USH2A: variants seen among roughly 807,000 people sequenced by gnomAD.
USH2A encodes the protein Usher syndrome 2A (autosomal recessive, mild).
Under a neutral mutation model 538.9 loss-of-function variants are expected in USH2A, and 443 were observed. The ratio of observed to expected loss-of-function variants is 0.82; its 90% CI spans 0.76 to 0.89. USH2A has a LOEUF of 0.89. USH2A is among the 40% of genes least tolerant of loss of function. USH2A has a pLI of 0.00. For synonymous variants in USH2A, 2,413 were observed against 2,273.5 expected, an observed-to-expected ratio of 1.06 and a Z score of -1.75; for missense variants, 6,633 against 6,324.8, an observed-to-expected ratio of 1.05 and a Z score of -1.65.
intron 3 of USH2A, among the ~76,000 whole-genome samples, chr1:216,379,412 T>C (rs1363030100): frequency 6.6e-6 from 1 of 152,062 alleles, no homozygotes; most frequent in Non-Finnish European, 1.5e-5. Context: ...AACCAGCTGC[T>C]AATGTCTAAT....
chr1:216,334,707 T>C (rs1318772034), intron 4 of USH2A, among the ~76,000 whole-genome samples: 7 of 151,802 alleles, frequency 4.6e-5, no homozygotes, highest in African/African-American at 1.7e-4. Flanking sequence ...AAATAGACTT[T>C]AGACAAAATT....
intron 70 of USH2A, among the ~76,000 whole-genome samples, chr1:215,631,062 A>T (rs1158588836): frequency 6.6e-6 from 1 of 152,180 alleles, no homozygotes; most frequent in Non-Finnish European, 1.5e-5. Context: ...AGACACTCTC[A>T]TTCCTTGGCA....
chr1:215,938,026 A>G (rs957043057), intron 37 of USH2A, among the ~76,000 whole-genome samples: 2 of 152,136 alleles, frequency 1.3e-5, no homozygotes, highest in Admixed American at 6.6e-5. Context: ...TAACAACATT[A>G]ATACATGGTA....
chr1:216,227,671 A>G (rs1169009088), intron 14 of USH2A, among the ~76,000 whole-genome samples: 1 of 152,188 alleles, frequency 6.6e-6, no homozygotes, highest in Non-Finnish European at 1.5e-5. Flanking sequence ...CAATGTAGAC[A>G]AGCTGGAGGT....
intron 60 of USH2A, among the ~76,000 whole-genome samples, chr1:215,730,597 A>G (rs1659966577): frequency 6.6e-6 from 1 of 152,224 alleles, no homozygotes; most frequent in Non-Finnish European, 1.5e-5. Flanking sequence ...ATCAAAATGT[A>G]AAGGGTTATT....
intron 61 of USH2A, among the ~76,000 whole-genome samples, chr1:215,713,529 G>C (rs1659399328): frequency 6.6e-6 from 1 of 152,154 alleles, no homozygotes; most frequent in Admixed American, 6.5e-5. Context: ...ACCTCCTGAA[G>C]CAGAGACTTG....
At chr1:215,858,466 T>A (rs1237848784) in intron 44 of USH2A, among the ~76,000 whole-genome samples, 1 of 149,870 alleles carries the variant, frequency 6.7e-6, no homozygotes, top group Non-Finnish European at 1.5e-5. Context: ...GTTTGACAGT[T>A]CCTCCTATGT....
intron 44 of USH2A, among the ~76,000 whole-genome samples, chr1:215,853,253 C>T (rs927631023): frequency 1.3e-5 from 2 of 152,256 alleles, no homozygotes; most frequent in Non-Finnish European, 2.9e-5. Flanking sequence ...GGGTTGCACC[C>T]TCTGAAGCCG....
intron 43 of USH2A, among the ~76,000 whole-genome samples, chr1:215,872,746 G>T (rs1156582238): frequency 6.6e-6 from 1 of 151,920 alleles, no homozygotes; most frequent in South Asian, 2.1e-4. Context: ...TGGATCATAG[G>T]GGTGAATCCC....
rs545834932 is a variant in USH2A, at chr1:216,361,437, G to A, written c.784+3516C>T. 4.6e-5 allele frequency among the ~76,000 whole-genome samples: 7 copies of A among 152,112 alleles called. No individual in the cohort carries two copies. In the South Asian group the frequency reaches 8.3e-4, roughly 18 times the overall value. On this transcript the variant is annotated intron_variant, in intron 4 of 71. Transcript: ENST00000307340. ...TTAAAATTAAGAAGATCTGCTTATC[G>A]ACAAATACCATCAAGAGAATGTGAC...
rs753619373 is a variant in USH2A at position 216,325,328 on chromosome 1, C to T, written c.1120G>A (p.Asp374Asn). 12 of 1,613,642 alleles carry T rather than the reference C, an allele frequency of 7.4e-6. No individual in the cohort carries two copies. Among genetic ancestry groups the T allele is most frequent in the Admixed American group, 3.3e-5 (2 of 59,942 alleles). The change falls in exon 6 of 72, where the codon GAT (aspartate) becomes AAT (asparagine). Residue 374 changes from aspartate (D) to asparagine (N), a missense_variant. Transcript: ENST00000307340. The stretch of plus-strand genomic sequence containing the variant: ...ACCTGATACTGTCCATTTTCCAAAT[C>T]AACTGAAATAGTCACTCCTTGATTA... ...QLNQGVTISV[D>N]LENGQYQVFY...
intron 4 of USH2A, among the ~76,000 whole-genome samples, chr1:216,346,143 T>C (rs902510212): frequency 3.3e-5 from 5 of 152,116 alleles, no homozygotes; most frequent in Admixed American, 6.6e-5. Flanking sequence ...GGAGGTTACC[T>C]TTGATAAAGT....
chr1:216,128,740 T>C (rs1322718814), intron 21 of USH2A, among the ~76,000 whole-genome samples: 4 of 152,104 alleles, frequency 2.6e-5, no homozygotes, highest in Admixed American at 6.6e-5. Context: ...ATCATTTCTT[T>C]GTGTTGGGAA....
Position 216,321,954 on chromosome 1 carries a change from C to T in USH2A, c.1573G>A (p.Asp525Asn), listed in dbSNP as rs375741757. Residue 525 changes from aspartate (D) to asparagine (N), a missense_variant, in exon 9 of 72, where the codon GAT (aspartate) becomes AAT (asparagine). Asp to Asn is a conservative substitution (Grantham distance 23). Coordinates refer to ENST00000307340, the MANE Select transcript of USH2A (RefSeq NM_206933.4). ...GGCTGGCTTGTTGTGTCGCAGTTAT[C>T]GGCATGACCATGGCACTGACATCTG... ...SGRCQCHGHA[D>N]NCDTTSQPYR... 2.0e-5 allele frequency: 32 copies of T among 1,613,758 alleles called. No homozygotes were observed. Among genetic ancestry groups the T allele is most frequent in the Admixed American group, 8.3e-5 (5 of 59,962 alleles).
intron 37 of USH2A, among the ~76,000 whole-genome samples, chr1:215,960,249 A>C (rs1195226867): frequency 2.6e-5 from 4 of 152,130 alleles, no homozygotes; most frequent in Admixed American, 1.3e-4. Context: ...CTACCAGTTA[A>C]ATGGAATAGA....
rs115594489 is a variant in USH2A at position 215,941,413 on chromosome 1, A to G, written c.7121-6618T>C. 6.5e-3 allele frequency among the ~76,000 whole-genome samples: 988 copies of G among 152,250 alleles called. 14 individuals carry two copies. Among genetic ancestry groups the G allele is most frequent in the African/African-American group, 0.022 (931 of 41,560 alleles). ...TATGGTCTATTTTTACTAACCATAT[A>G]TGCTCTGAAATGTCAGGGTTTTTTT... is the stretch of plus-strand genomic sequence containing the variant. On this transcript the variant is annotated intron_variant, in intron 37 of 71. Transcript: ENST00000307340.
chr1:215,684,052 C>A (rs1039553342), intron 61 of USH2A, among the ~76,000 whole-genome samples: 1 of 152,166 alleles, frequency 6.6e-6, no homozygotes, highest in Non-Finnish European at 1.5e-5. Flanking sequence ...AGGAATAATC[C>A]ATTCTTTGCA....
intron 71 of USH2A, among the ~76,000 whole-genome samples, chr1:215,627,745 C>A (rs900297716): frequency 2.0e-5 from 3 of 152,088 alleles, no homozygotes; most frequent in Admixed American, 6.5e-5. Context: ...AGGCTGGTCT[C>A]TATCTAACTC....
chr1:216,259,890 T>C (rs1398241350), intron 11 of USH2A, among the ~76,000 whole-genome samples: 1 of 152,080 alleles, frequency 6.6e-6, no homozygotes, highest in African/African-American at 2.4e-5. Flanking sequence ...GAGAAATATA[T>C]TTTTCAAAAA....
Sources: gnomAD v4.1 joint callset for allele counts (sites outside exome capture counted in the v4.1 genomes callset) on GRCh38, gnomAD v4.1.1 for gene constraint, MANE v1.5 for transcripts, NCBI Gene and HGNC (gene_info 2026-07-23, HGNC 2026-07-21) for gene names.